The following CDKAL1 variants were observed in gnomAD, a reference collection of about 807,000 sequenced individuals.
CDKAL1 encodes the protein threonylcarbamoyladenosine tRNA methylthiotransferase.
CDKAL1 carries 32 observed loss-of-function variants against 68.2 expected under a neutral mutation model. The ratio of observed to expected loss-of-function variants is 0.47; its 90% CI spans 0.35 to 0.63. The LOEUF is 0.63. Ranked by LOEUF, CDKAL1 falls within the 30% of genes least tolerant of loss-of-function variation. CDKAL1 has a pLI of 0.00. For missense variants in CDKAL1, 606 were observed against 696.7 expected (o/e 0.87, Z 1.47); for synonymous variants, 234 against 244.3 (o/e 0.96, Z 0.39).
chr6:20,565,985 A>AT lies in CDKAL1; in HGVS notation c.286+17290dup, dbSNP rs1241640963. 4.5e-4 allele frequency among the ~76,000 whole-genome samples: 68 copies of AT among 150,464 alleles called. 2 individuals are homozygous for AT. The highest frequency in any genetic ancestry group is 5.6e-4 in the African/African-American group (23 of 41,132). On this transcript the variant is annotated intron_variant, in intron 4 of 15. Transcript: ENST00000274695. ...AGAAAAAGCAAAAATGCACTCAGTGATTTTTTTTTTAAACCCCTTTGTTTC... is the reference window on the plus strand; with the variant it reads ...AGAAAAAGCAAAAATGCACTCAGTGATTTTTTTTTTTAAACCCCTTTGTTTC...
intron 10 of CDKAL1, among the ~76,000 whole-genome samples, chr6:20,964,551 A>G (rs575241005): frequency 1.3e-5 from 2 of 152,178 alleles, no homozygotes; most frequent in Non-Finnish European, 2.9e-5. Context: ...ACACAAACAG[A>G]AAACCAAATA....
chr6:20,624,283 T>C (rs572835557), intron 4 of CDKAL1, among the ~76,000 whole-genome samples: 9 of 152,152 alleles, frequency 5.9e-5, no homozygotes, highest in African/African-American at 2.2e-4. Context: ...TATTTAGAAC[T>C]GAGACCCATG....
intron 6 of CDKAL1, among the ~76,000 whole-genome samples, chr6:20,740,405 T>G (rs1773398377): frequency 6.6e-6 from 1 of 152,180 alleles, no homozygotes; most frequent in South Asian, 2.1e-4. Context: ...TTGTAGTCAA[T>G]TACTCTTTGA....
chr6:20,579,829 G>A (rs1344011381), intron 4 of CDKAL1, among the ~76,000 whole-genome samples: 1 of 152,236 alleles, frequency 6.6e-6, no homozygotes, highest in Non-Finnish European at 1.5e-5. Context: ...CAAAACAGAT[G>A]TAGCAACTGG....
chr6:21,046,827 AAT>A (rs1172002454), intron 11 of CDKAL1, among the ~76,000 whole-genome samples: 1 of 152,154 alleles, frequency 6.6e-6, no homozygotes, highest in African/African-American at 2.4e-5. Context: ...CCAGTTAACA[AAT>A]GAGTTTAGAA....
intron 9 of CDKAL1, among the ~76,000 whole-genome samples, chr6:20,938,956 C>T (rs2150691538): frequency 6.6e-6 from 1 of 152,244 alleles, no homozygotes; most frequent in South Asian, 2.1e-4. Flanking sequence ...ATGTTGTCAT[C>T]TCAATGTCCC....
intron 9 of CDKAL1, among the ~76,000 whole-genome samples, chr6:20,951,732 T>C (rs560094030): frequency 6.6e-6 from 1 of 152,300 alleles, no homozygotes; most frequent in South Asian, 2.1e-4. Context: ...TTGGGTAGAC[T>C]GAACAATTTT....
intron 9 of CDKAL1, among the ~76,000 whole-genome samples, chr6:20,888,048 C>T (rs377531302): frequency 1.3e-4 from 20 of 151,526 alleles, no homozygotes; most frequent in East Asian, 3.9e-4. Flanking sequence ...CTCATGTATA[C>T]GTGTGCCATG....
intron 8 of CDKAL1, among the ~76,000 whole-genome samples, chr6:20,813,453 A>T (rs577491008): frequency 6.6e-5 from 10 of 152,246 alleles, no homozygotes; most frequent in African/African-American, 2.4e-4. Context: ...ACAGTTTTAT[A>T]TTTTGATAAA....
At chr6:20,554,179 T>TA (rs1292963253) in intron 4 of CDKAL1, among the ~76,000 whole-genome samples, 1 of 152,198 alleles carries the variant, frequency 6.6e-6, no homozygotes, top group African/African-American at 2.4e-5. Flanking sequence ...GAATAAAACT[T>TA]ACTGAGGAGA....
intron 9 of CDKAL1, among the ~76,000 whole-genome samples, chr6:20,896,397 C>T (rs1042113748): frequency 6.6e-6 from 1 of 152,072 alleles, no homozygotes; most frequent in African/African-American, 2.4e-5. Context: ...CACGCCTGGC[C>T]TCTTTTTTTC....
Position 20,613,814 on chromosome 6 carries a change from T to C in CDKAL1, c.287-35479T>C, listed in dbSNP as rs1321390424. On this transcript the variant is annotated intron_variant, in intron 4 of 15. Coordinates refer to ENST00000274695, the MANE Select transcript of CDKAL1 (RefSeq NM_017774.3). ...TTTTGCATATGCATAAATATATTTT[T>C]AGACTATCTGGAAGTGTAATTACTG... 5.9e-5 allele frequency among the ~76,000 whole-genome samples: 9 copies of C among 152,118 alleles called. No individual in the cohort carries two copies. The East Asian group carries it at 1.3e-3, about 23-fold the overall frequency.
At chr6:20,572,583 C>G (rs1032526590) in intron 4 of CDKAL1, among the ~76,000 whole-genome samples, 2 of 152,100 alleles carry the variant, frequency 1.3e-5, no homozygotes, top group Non-Finnish European at 2.9e-5. Flanking sequence ...TGAGTGCTTT[C>G]TTATACTTTA....
chr6:21,204,753 C>G (rs1242295843), intron 15 of CDKAL1, among the ~76,000 whole-genome samples: 1 of 151,640 alleles, frequency 6.6e-6, no homozygotes, highest in African/African-American at 2.4e-5. Flanking sequence ...TATATCCCCA[C>G]TTTCAAGCCT....
chr6:20,639,727 G>A (rs138225886), intron 4 of CDKAL1, among the ~76,000 whole-genome samples: 3 of 152,308 alleles, frequency 2.0e-5, no homozygotes, highest in East Asian at 3.9e-4. Context: ...CTGGAGTGCC[G>A]TGGTGCGATC....
chr6:21,102,166 T>C (rs1360631462), intron 12 of CDKAL1, among the ~76,000 whole-genome samples: 2 of 152,220 alleles, frequency 1.3e-5, no homozygotes, highest in Non-Finnish European at 2.9e-5. Context: ...CATGTACCTA[T>C]ATTCAGTCTA....
chr6:20,584,389 T>A (rs1018744371), intron 4 of CDKAL1, among the ~76,000 whole-genome samples: 4 of 152,058 alleles, frequency 2.6e-5, no homozygotes, highest in Non-Finnish European at 5.9e-5. Flanking sequence ...GAGAGGTGAG[T>A]TAAAATAGGA....
At chr6:20,807,736 C>A (rs1163502592) in intron 8 of CDKAL1, among the ~76,000 whole-genome samples, 1 of 152,176 alleles carries the variant, frequency 6.6e-6, no homozygotes, top group Non-Finnish European at 1.5e-5. Flanking sequence ...TATGTAATAT[C>A]AAGCTGCTTT....
intron 8 of CDKAL1, among the ~76,000 whole-genome samples, chr6:20,783,464 T>A (rs1456613440): frequency 6.6e-6 from 1 of 152,156 alleles, no homozygotes; most frequent in Non-Finnish European, 1.5e-5. Flanking sequence ...ACCCCAGTAT[T>A]CAGTCTTCCT....
Sources: gnomAD v4.1 joint callset for allele counts (sites outside exome capture counted in the v4.1 genomes callset) on GRCh38, gnomAD v4.1.1 for gene constraint, MANE v1.5 for transcripts, NCBI Gene and HGNC (gene_info 2026-07-23, HGNC 2026-07-21) for gene names.